CHD6: variants seen among roughly 807,000 people sequenced by gnomAD.
CHD6 encodes the protein chromodomain helicase DNA binding protein 6, also known as ATP-dependent chromatin remodeler CHD6.
CHD6 carries 50 observed loss-of-function variants against 276.9 expected under a neutral mutation model. The ratio of observed to expected loss-of-function variants is 0.18; its 90% CI spans 0.14 to 0.23. The LOEUF is 0.23. Among genes scored for constraint, CHD6 ranks in the 10% least tolerant of loss-of-function variants. The pLI is 1.00. For synonymous variants in CHD6, 1,173 were observed against 1,229.3 expected (o/e 0.95, Z 0.96); for missense variants, 2,564 against 3,365.8 (o/e 0.76, Z 5.89).
chr20:41,585,590 G>A (rs1029569459), intron 1 of CHD6, among the ~76,000 whole-genome samples: 20 of 150,896 alleles, frequency 1.3e-4, no homozygotes, highest in Admixed American at 2.6e-4. Context: ...ACAGTTAAAC[G>A]CCTTCCAACA....
chr20:41,564,256 T>C, intron 1 of CHD6: 1 of 577,122 alleles, frequency 1.7e-6, no homozygotes, highest in East Asian at 2.9e-5. Context: ...ACATTTTCTC[T>C]TCCCGTTTTC....
At chr20:41,611,583 T>G (rs2045887499) in intron 1 of CHD6, among the ~76,000 whole-genome samples, 1 of 152,066 alleles carries the variant, frequency 6.6e-6, no homozygotes, top group East Asian at 1.9e-4. Context: ...GAACCCTAGG[T>G]GGTCTATTTC....
chr20:41,457,364 C>T lies in CHD6; in HGVS notation c.2729G>A (p.Arg910Gln), dbSNP rs1282520242. 3 of 1,614,092 alleles carry T rather than the reference C, an allele frequency of 1.9e-6. No individual in the cohort carries two copies. The highest frequency in any genetic ancestry group is 1.1e-5 in the South Asian group (1 of 91,084). ...AAACATCTCGCGCTCGTAGGAATTTCGAGTGATGAGGCGATACACCTTCAC... is the reference window on the plus strand; with the variant it reads ...AAACATCTCGCGCTCGTAGGAATTTTGAGTGATGAGGCGATACACCTTCAC... ...KAVKVYRLITRNSYEREMFDK... is the reference protein window; with the variant it reads ...KAVKVYRLITQNSYEREMFDK... Residue 910 changes from arginine (R) to glutamine (Q), a missense_variant, in exon 18 of 37, where the codon CGA becomes CAA. Arg to Gln is a conservative substitution (Grantham distance 43, BLOSUM62 1). Transcript: ENST00000373233.
intron 36 of CHD6, among the ~76,000 whole-genome samples, chr20:41,411,841 CT>C (rs2046848890): frequency 6.6e-6 from 1 of 152,192 alleles, no homozygotes; most frequent in African/African-American, 2.4e-5. Flanking sequence ...GTTAAAATTT[CT>C]TTCCCCTCAT....
rs1227857446 is a variant in CHD6 at position 41,405,438 on chromosome 20, G to A, written c.7303C>T (p.Arg2435Ter). 1.9e-6 allele frequency: 3 copies of A among 1,604,128 alleles called. No individual in the cohort carries two copies. Among genetic ancestry groups the A allele is most frequent in the Non-Finnish European group, 2.6e-6 (3 of 1,174,272 alleles). Residue 2435 changes from arginine to a stop codon, truncating the protein, a stop_gained, in exon 37 of 37, where the codon CGA (arginine) becomes TGA (stop). Transcript: ENST00000373233. LOFTEE classifies it high-confidence loss of function. ...FNHTLAEPIL[R>*]DTGPRRRGRR... ...CCCCTCCTGCGGGGGCCCGTATCTC[G>A]AAGAATAGGCTCAGCCAGAGTGTGA...
chr20:41,418,101 G>A (rs1005270405), intron 31 of CHD6, among the ~76,000 whole-genome samples: 1 of 152,192 alleles, frequency 6.6e-6, no homozygotes, highest in African/African-American at 2.4e-5. Flanking sequence ...TGTGCAACAA[G>A]TCTCCTAGGG....
intron 13 of CHD6, among the ~76,000 whole-genome samples, 160 bp from the exon 14 acceptor site, chr20:41,487,968 A>G (rs2043457811): frequency 6.6e-6 from 1 of 152,178 alleles, no homozygotes; most frequent in Non-Finnish European, 1.5e-5. Flanking sequence ...CAGTCAATAA[A>G]CGAATCAACC....
chr20:41,533,413 G>T lies in CHD6; in HGVS notation c.191C>A (p.Ala64Asp). 5 of 1,614,054 alleles carry T rather than the reference G, an allele frequency of 3.1e-6. No homozygotes were observed. The highest frequency in any genetic ancestry group is 4.2e-6 in the Non-Finnish European group (5 of 1,180,014). ...AAAAAGGGTAGCAGCTTCCTCTTCA[G>T]CAGTATACAGGTCCTTCTGAGGCAG... is the stretch of plus-strand genomic sequence containing the variant. ...HCLPQKDLYTAEEEAATLFPR... is the reference protein window; with the variant it reads ...HCLPQKDLYTDEEEAATLFPR... Residue 64 changes from alanine (A) to aspartate (D), a missense_variant, in exon 3 of 37, where the codon GCT (alanine) becomes GAT (aspartate). By Grantham distance (126) the Ala-to-Asp change is moderately radical. Transcript: ENST00000373233.
At chr20:41,612,850 TTATC>T (rs1391883544) in intron 1 of CHD6, among the ~76,000 whole-genome samples, 4 of 152,164 alleles carry the variant, frequency 2.6e-5, no homozygotes, top group African/African-American at 9.7e-5. Context: ...CTAATTATTA[TTATC>T]TATTATTAAA....
chr20:41,429,573 C>G (rs1433181636), intron 27 of CHD6, among the ~76,000 whole-genome samples: 3 of 152,120 alleles, frequency 2.0e-5, no homozygotes, highest in East Asian at 1.9e-4. Context: ...TATAGAGGAA[C>G]TAGAGGTATT....
At chr20:41,432,118 C>T (rs2047560421) in intron 27 of CHD6, among the ~76,000 whole-genome samples, 1 of 147,960 alleles carries the variant, frequency 6.8e-6, no homozygotes, top group African/African-American at 2.5e-5. Context: ...CAAGATCATG[C>T]CATTGCACTC....
chr20:41,419,994 A>G (rs1169737370), intron 31 of CHD6, among the ~76,000 whole-genome samples: 1 of 152,246 alleles, frequency 6.6e-6, no homozygotes, highest in Non-Finnish European at 1.5e-5. Context: ...ACTGAAAGGA[A>G]TCTAAATCAA....
chr20:41,532,597 TATTA>T (rs1042846250), intron 3 of CHD6, among the ~76,000 whole-genome samples: 1 of 152,208 alleles, frequency 6.6e-6, no homozygotes, highest in African/African-American at 2.4e-5. Context: ...GCATGGTCAG[TATTA>T]ATTAAGGTTA....
chr20:41,519,319 T>C (rs1263946840), intron 3 of CHD6, among the ~76,000 whole-genome samples: 5 of 152,054 alleles, frequency 3.3e-5, no homozygotes, highest in African/African-American at 9.7e-5. Context: ...ACAAAGTGGA[T>C]AAACAGGATC....
intron 2 of CHD6, among the ~76,000 whole-genome samples, chr20:41,542,265 C>T (rs2044957206): frequency 6.6e-6 from 1 of 152,142 alleles, no homozygotes; most frequent in African/African-American, 2.4e-5. Context: ...GACTATTTTC[C>T]TACCTCTTCA....
chr20:41,421,511 A>G lies in CHD6; in HGVS notation c.5124T>C (p.Tyr1708=), dbSNP rs369081071. The G allele has an allele frequency of 4.2e-5, 68 of 1,612,802 alleles. No individual in the cohort carries two copies. The East Asian group carries it at 8.9e-4, about 21-fold the overall frequency. The change falls in exon 31 of 37, where the codon TAT becomes TAC. Residue 1708 remains tyrosine (Y), a synonymous_variant. Transcript: ENST00000373233. ...LLPESLESMM[Y]GKKVLSQEPS... ...GTTCTTGGCTGAGCACCTTCTTACC[A>G]TACATCATGCTCTCTAAGGACTCAG... is the stretch of plus-strand genomic sequence containing the variant.
intron 1 of CHD6, chr20:41,614,850 G>A (rs938847479): frequency 3.9e-5 from 6 of 152,108 alleles, no homozygotes; most frequent in Admixed American, 3.9e-4. Context: ...ACTGTACCAG[G>A]GTACACCTGA....
intron 1 of CHD6, among the ~76,000 whole-genome samples, chr20:41,610,799 A>G (rs936513680): frequency 3.6e-4 from 54 of 151,288 alleles, no homozygotes; most frequent in Non-Finnish European, 7.1e-4. Context: ...AAATAAATAA[A>G]GTTAATTGAT....
rs148223047 is a variant in CHD6 at position 41,404,212 on chromosome 20, G to A, written c.*381C>T. ...GCTCACAGAAAAAGAGCTCCTCTTT[G>A]TCTCTGTTCTTCCACCCTTCAATGG... On this transcript the variant is annotated 3_prime_UTR_variant, in exon 37 of 37. Transcript: ENST00000373233. The A allele has an allele frequency of 1.9e-4, 203 of 1,070,884 alleles. No homozygotes were observed. The African/African-American group carries it at 3.1e-3, about 16-fold the overall frequency. 66.3% of individuals were successfully genotyped at this position (1,070,884 alleles called of 1,614,324 possible).
Sources: allele counts gnomAD v4.1 joint callset (sites outside exome capture counted in the v4.1 genomes callset), GRCh38; gene constraint gnomAD v4.1.1; transcripts MANE v1.5; gene names NCBI Gene and HGNC (gene_info 2026-07-23, HGNC 2026-07-21).